The following SYT14 variants were observed in gnomAD, a reference collection of about 807,000 sequenced individuals.
The protein encoded by SYT14 is synaptotagmin-14.
Under a neutral mutation model 74.2 loss-of-function variants are expected in SYT14, and 32 were observed. The observed-to-expected ratio is 0.43, with a 90% CI of 0.33 to 0.58. The LOEUF (loss-of-function observed/expected upper bound fraction) is 0.58, where lower values mean the gene tolerates loss of function less well. Ranked by LOEUF, SYT14 falls within the 20% of genes least tolerant of loss-of-function variation. The pLI is 0.05. For synonymous variants in SYT14, 298 were observed against 337.7 expected, an observed-to-expected ratio of 0.88 and a Z score of 1.29; for missense variants, 791 against 981.8, an observed-to-expected ratio of 0.81 and a Z score of 2.60.
Position 210,071,858 on chromosome 1 carries a change from C to A in SYT14, c.1313-22464C>A, listed in dbSNP as rs146694440. On this transcript the variant is annotated intron_variant, in intron 5 of 9. Transcript: ENST00000637265. ...CTTAACCTTGAACAATCTGCATATT[C>A]TCACAAATGACCTCTTTTGAAATTT... Among the ~76,000 whole-genome samples the A allele has an allele frequency of 1.9e-4, 29 of 151,948 alleles. No homozygotes were observed. The East Asian group carries it at 3.3e-3, about 17-fold the overall frequency.
chr1:209,955,507 C>A (rs1029817192), intron 2 of SYT14, among the ~76,000 whole-genome samples: 7 of 151,940 alleles, frequency 4.6e-5, no homozygotes, highest in Non-Finnish European at 8.8e-5. Context: ...TTTCATCCTG[C>A]TGCTGTCATT....
At chr1:210,077,837 A>G (rs2081534659) in intron 5 of SYT14, among the ~76,000 whole-genome samples, 1 of 152,226 alleles carries the variant, frequency 6.6e-6, no homozygotes, top group Non-Finnish European at 1.5e-5. Context: ...TAAATAAAGA[A>G]TTAAATACTG....
chr1:209,970,609 T>C (rs2079234001), intron 2 of SYT14, among the ~76,000 whole-genome samples: 1 of 151,026 alleles, frequency 6.6e-6, no homozygotes, highest in Non-Finnish European at 1.5e-5. Flanking sequence ...AGAATGACAT[T>C]GGTAGTTTGG....
intron 5 of SYT14, among the ~76,000 whole-genome samples, chr1:210,078,319 A>AC (rs2081548392): frequency 6.7e-6 from 1 of 149,534 alleles, no homozygotes; most frequent in Non-Finnish European, 1.5e-5. Flanking sequence ...CAAAAAAAAA[A>AC]AAAAAAAAAA....
At chr1:210,044,550 A>C (rs1304415648) in intron 5 of SYT14, among the ~76,000 whole-genome samples, 1 of 152,206 alleles carries the variant, frequency 6.6e-6, no homozygotes, top group African/African-American at 2.4e-5. Flanking sequence ...TCTGCCAGGC[A>C]ATGTGATAGA....
intron 5 of SYT14, among the ~76,000 whole-genome samples, chr1:210,045,137 A>G (rs938708513): frequency 6.6e-6 from 1 of 152,208 alleles, no homozygotes; most frequent in Admixed American, 6.5e-5. Context: ...AGACTTGAAT[A>G]GACTCATTTC....
chr1:210,143,756 A>G (rs962176471), intron 7 of SYT14, among the ~76,000 whole-genome samples: 3 of 152,180 alleles, frequency 2.0e-5, no homozygotes, highest in Non-Finnish European at 2.9e-5. Flanking sequence ...TGGCTTTTCA[A>G]GCTTTTCAAG....
exon 10 of SYT14, chr1:210,162,027 G>C (rs1318552941): frequency 4.5e-6 from 2 of 449,346 alleles, no homozygotes; most frequent in South Asian, 3.2e-5. Flanking sequence ...CGTAAAGCAG[G>C]TAGCATTCAA....
At chr1:210,075,857 A>G (rs1390953235) in intron 5 of SYT14, among the ~76,000 whole-genome samples, 1 of 152,178 alleles carries the variant, frequency 6.6e-6, no homozygotes, top group Non-Finnish European at 1.5e-5. Flanking sequence ...TTCTGTTACC[A>G]AAGGTATATC....
intron 2 of SYT14, among the ~76,000 whole-genome samples, chr1:209,989,178 G>A (rs888658210): frequency 1.3e-5 from 2 of 152,066 alleles, no homozygotes; most frequent in Non-Finnish European, 2.9e-5. Flanking sequence ...GGAGAAATCT[G>A]TCCATGTTAT....
chr1:210,108,455 G>A (rs2082198743), intron 7 of SYT14, among the ~76,000 whole-genome samples: 2 of 152,172 alleles, frequency 1.3e-5, no homozygotes, highest in East Asian at 3.8e-4. Flanking sequence ...ATATTGTGAA[G>A]GGGCTAGAAT....
chr1:209,990,527 A>ATATATATACACG (rs1553262322), intron 2 of SYT14, among the ~76,000 whole-genome samples: 1 of 12,818 alleles, frequency 7.8e-5, no homozygotes, highest in African/African-American at 3.1e-4. Context: ...TATTTCACAT[A>ATATATATACACG]TATATATATA....
At chr1:209,992,069 C>T (rs1031639367) in intron 2 of SYT14, among the ~76,000 whole-genome samples, 1 of 152,162 alleles carries the variant, frequency 6.6e-6, no homozygotes, top group Non-Finnish European at 1.5e-5. Context: ...TATTGCAGCA[C>T]TATTCACAAT....
chr1:209,957,000 T>A (rs1048194116), intron 2 of SYT14, among the ~76,000 whole-genome samples: 4 of 152,012 alleles, frequency 2.6e-5, no homozygotes, highest in Non-Finnish European at 5.9e-5. Context: ...CCCTTCTGCC[T>A]TTTTTTCTTC....
At chr1:209,979,778 A>G (rs2079446897) in intron 2 of SYT14, among the ~76,000 whole-genome samples, 1 of 152,182 alleles carries the variant, frequency 6.6e-6, no homozygotes, top group African/African-American at 2.4e-5. Flanking sequence ...TACAAAGGAC[A>G]TGATCTTTTT....
At chr1:209,993,039 C>T (rs928578086) in intron 2 of SYT14, among the ~76,000 whole-genome samples, 5 of 152,156 alleles carry the variant, frequency 3.3e-5, no homozygotes, top group African/African-American at 4.8e-5. Context: ...TGTGGACATG[C>T]GAGCTGGCAG....
chr1:210,094,298 G>T, intron 5 of SYT14, 24 bp from the exon 5 acceptor site: 1 of 1,613,578 alleles, frequency 6.2e-7, no homozygotes, highest in South Asian at 1.1e-5. Context: ...TGGAAACAGT[G>T]ACCAGATTCT....
chr1:210,109,613 C>T (rs2102574764), intron 7 of SYT14, among the ~76,000 whole-genome samples: 1 of 149,446 alleles, frequency 6.7e-6, no homozygotes, highest in East Asian at 2.0e-4. Context: ...AAAACAACAA[C>T]AACAAAAAGG....
chr1:210,070,910 ATTTTTTTTT>A (rs200981834), intron 5 of SYT14, among the ~76,000 whole-genome samples: 46,435 of 117,356 alleles, frequency 0.4, 8,576 homozygotes, highest in Middle Eastern at 0.47. Context: ...GTTGGGTATA[ATTTTTTTTT>A]TTTTTTTTTT....
Sources: allele counts gnomAD v4.1 joint callset (sites outside exome capture counted in the v4.1 genomes callset), GRCh38; gene constraint gnomAD v4.1.1; transcripts MANE v1.5; gene names NCBI Gene and HGNC (gene_info 2026-07-23, HGNC 2026-07-21).